ZMIZ1: variants seen among roughly 807,000 people sequenced by gnomAD.
The protein encoded by ZMIZ1 is zinc finger MIZ-type containing 1.
In ZMIZ1, 17 loss-of-function variants were observed where a neutral mutation model predicts 113.9. The observed-to-expected ratio is 0.15, with a 90% confidence interval of 0.10 to 0.22. ZMIZ1 has a LOEUF of 0.22. Ranked by LOEUF, ZMIZ1 falls within the 10% of genes least tolerant of loss-of-function variation. The probability of loss-of-function intolerance (pLI) is 1.00; values close to 1 mark genes in which losing one functional copy is unlikely to be tolerated. For missense variants in ZMIZ1, 1,059 were observed against 1,477.8 expected (o/e 0.72, Z 4.65); for synonymous variants, 607 against 603.1 (o/e 1.01, Z -0.09).
intron 12 of ZMIZ1, chr10:79,295,560 C>T (rs1336089205): frequency 5.9e-5 from 9 of 152,242 alleles, no homozygotes; most frequent in African/African-American, 1.9e-4. Context: ...GCACCAGCTA[C>T]GTCTTCTATA....
At chr10:79,268,344 A>T (rs923644836) in intron 7 of ZMIZ1, among the ~76,000 whole-genome samples, 1 of 152,154 alleles carries the variant, frequency 6.6e-6, no homozygotes, top group African/African-American at 2.4e-5. Context: ...CAGTCTCTGG[A>T]CACATTCGTG....
At chr10:79,157,098 A>G (rs935757394) in intron 3 of ZMIZ1, among the ~76,000 whole-genome samples, 28 of 150,588 alleles carry the variant, frequency 1.9e-4, no homozygotes, top group Non-Finnish European at 3.9e-4. Context: ...TCCAAAGGAC[A>G]GTGACGAGAC....
chr10:79,303,454 CAAA>C (rs34154193), intron 18 of ZMIZ1, among the ~76,000 whole-genome samples: 17 of 65,914 alleles, frequency 2.6e-4, no homozygotes, highest in African/African-American at 4.3e-4. Context: ...GACACTGCCA[CAAA>C]AAAAAAAAAA....
chr10:79,086,819 TATACC>T (rs1463760231), intron 1 of ZMIZ1, among the ~76,000 whole-genome samples: 1 of 152,230 alleles, frequency 6.6e-6, no homozygotes, highest in African/African-American at 2.4e-5. Context: ...ACTGATTCTC[TATACC>T]TTTGGCCAAT....
rs1407477882 is a variant in ZMIZ1 at position 79,248,870 on chromosome 10, C to T, written c.281-28311C>T. Among the ~76,000 whole-genome samples the T allele has an allele frequency of 4.6e-5, 7 of 152,100 alleles. No homozygotes were observed. In the South Asian group the frequency reaches 1.2e-3, roughly 27 times the overall value. ...TGGGACTGGAGTGGATGGGTGCCAG[C>T]GGGTAGTCTCTGGGCTTGCAGAGTT... On this transcript the variant is annotated intron_variant, in intron 7 of 24. Transcript: ENST00000334512.
intron 7 of ZMIZ1, among the ~76,000 whole-genome samples, chr10:79,251,166 C>A (rs1214762602): frequency 6.6e-6 from 1 of 152,130 alleles, no homozygotes; most frequent in Non-Finnish European, 1.5e-5. Flanking sequence ...GCCCTCACCC[C>A]ACAAAGGTGC....
In ZMIZ1 at chr10:79,316,240, A is replaced by G. The variant is rs1439792804; in HGVS notation, c.*3491A>G. ...AACCATCATCGTCTTTGTACATCGTATGTACAATGCAATCATTTCATACTT... is the reference window on the plus strand; with the variant it reads ...AACCATCATCGTCTTTGTACATCGTGTGTACAATGCAATCATTTCATACTT... On this transcript the variant is annotated 3_prime_UTR_variant, in exon 25 of 25. Coordinates refer to ENST00000334512, the MANE Select transcript of ZMIZ1 (RefSeq NM_020338.4). 6.6e-6 allele frequency: 1 copy of G among 152,618 alleles called. No homozygotes were observed. Among genetic ancestry groups the G allele is most frequent in the Non-Finnish European group, 1.5e-5 (1 of 68,052 alleles). 9.5% of individuals were successfully genotyped at this position (152,618 alleles called of 1,614,324 possible).
chr10:79,245,121 C>T (rs888305041), intron 7 of ZMIZ1, among the ~76,000 whole-genome samples: 2 of 152,200 alleles, frequency 1.3e-5, no homozygotes, highest in African/African-American at 2.4e-5. Flanking sequence ...AGGTCTTTAC[C>T]GGAAGCGCAG....
At chr10:79,194,187 A>C (rs992674833) in intron 4 of ZMIZ1, among the ~76,000 whole-genome samples, 6 of 152,214 alleles carry the variant, frequency 3.9e-5, no homozygotes, top group African/African-American at 1.4e-4. Context: ...CTGCTCACAC[A>C]GCTCCCCGGG....
chr10:79,250,940 G>A (rs1850512736), intron 7 of ZMIZ1, among the ~76,000 whole-genome samples: 1 of 152,200 alleles, frequency 6.6e-6, no homozygotes, highest in South Asian at 2.1e-4. Flanking sequence ...AGACAGAACA[G>A]CCTTCAGGCG....
At chr10:79,105,199 C>T (rs1028187489) in intron 1 of ZMIZ1, among the ~76,000 whole-genome samples, 2 of 152,194 alleles carry the variant, frequency 1.3e-5, no homozygotes, top group Non-Finnish European at 1.5e-5. Flanking sequence ...CAGCTGTTAA[C>T]CTCGGGTGTA....
chr10:79,129,523 C>T (rs1844660704), intron 2 of ZMIZ1, among the ~76,000 whole-genome samples: 1 of 152,156 alleles, frequency 6.6e-6, no homozygotes, highest in Non-Finnish European at 1.5e-5. Flanking sequence ...TGCCCATCCC[C>T]CAGGGCCTGG....
chr10:79,289,181 G>A (rs1853299813), intron 8 of ZMIZ1, among the ~76,000 whole-genome samples: 1 of 152,154 alleles, frequency 6.6e-6, no homozygotes, highest in Admixed American at 6.5e-5. Context: ...GATCGGGGTG[G>A]GGGCAGGAGA....
At chr10:79,302,368 C>T (rs1268513852) in intron 18 of ZMIZ1, among the ~76,000 whole-genome samples, 156 bp downstream of exon 18, 3 of 152,328 alleles carry the variant, frequency 2.0e-5, no homozygotes, top group East Asian at 1.9e-4. Context: ...TCCTGAGGCT[C>T]ATGCCCTCCT....
At chr10:79,116,608 C>T (rs567279061) in intron 1 of ZMIZ1, among the ~76,000 whole-genome samples, 4 of 152,160 alleles carry the variant, frequency 2.6e-5, no homozygotes, top group Admixed American at 1.3e-4. Context: ...CTACAGAGGC[C>T]GGCTGGCCAG....
intron 6 of ZMIZ1, among the ~76,000 whole-genome samples, chr10:79,213,224 C>T (rs1165354657): frequency 2.0e-5 from 3 of 152,200 alleles, no homozygotes; most frequent in African/African-American, 7.2e-5. Context: ...AAACAAGCTG[C>T]ACAGCTGAGC....
intron 1 of ZMIZ1, among the ~76,000 whole-genome samples, chr10:79,071,499 G>C (rs1262718901): frequency 6.6e-6 from 1 of 152,232 alleles, no homozygotes; most frequent in East Asian, 1.9e-4. Context: ...TACGGTCCCG[G>C]GAGTGTGAAG....
intron 4 of ZMIZ1, among the ~76,000 whole-genome samples, chr10:79,201,297 A>G (rs1006294637): frequency 4.6e-5 from 7 of 152,182 alleles, no homozygotes; most frequent in Admixed American, 1.3e-4. Context: ...GACAAGAGCA[A>G]AACTCCATCT....
chr10:79,078,250 G>A (rs1842540461), intron 1 of ZMIZ1, among the ~76,000 whole-genome samples: 1 of 152,144 alleles, frequency 6.6e-6, no homozygotes, highest in Non-Finnish European at 1.5e-5. Context: ...TGAAGGGAAG[G>A]AGGCCACAGA....
Sources: gnomAD v4.1 joint callset for allele counts (sites outside exome capture counted in the v4.1 genomes callset) on GRCh38, gnomAD v4.1.1 for gene constraint, MANE v1.5 for transcripts, NCBI Gene and HGNC (gene_info 2026-07-23, HGNC 2026-07-21) for gene names.